Variants in YIPF4 observed in about 807,000 individuals in gnomAD.
YIPF4 encodes the protein protein YIPF4.
YIPF4 carries 18 observed loss-of-function variants against 29.4 expected under a neutral mutation model. That is an observed-to-expected ratio of 0.61 (90% CI 0.42 to 0.91). The LOEUF (loss-of-function observed/expected upper bound fraction) is 0.91, where lower values mean the gene tolerates loss of function less well. Ranked by LOEUF, YIPF4 falls within the 40% of genes least tolerant of loss-of-function variation. The pLI is 0.00. For synonymous variants in YIPF4, 115 were observed against 104.7 expected, an observed-to-expected ratio of 1.10 and a Z score of -0.60; for missense variants, 279 against 282.7, an observed-to-expected ratio of 0.99 and a Z score of 0.09.
Position 32,314,766 on chromosome 2 carries a change from A to G in YIPF4, c.*9140A>G, listed in dbSNP as rs1017035290. On this transcript the variant is annotated 3_prime_UTR_variant, in exon 6 of 6. Coordinates refer to ENST00000238831, the MANE Select transcript of YIPF4 (RefSeq NM_032312.4). ...AATAAACAGAATAGTTTTGGCATTC[A>G]ACAAACATTGGCTGTTATTATATTA... The G allele has an allele frequency of 3.3e-5, 5 of 152,228 alleles. No individual in the cohort carries two copies. The highest frequency in any genetic ancestry group is 1.2e-4 in the African/African-American group (5 of 41,464). The allele number at this position is 152,228 out of a possible 1,614,324, so 9.4% of individuals were successfully genotyped here. A position where few individuals can be genotyped will look rare whatever the true frequency, so the allele number is the denominator to read the frequency against.
chr2:32,299,535 A>C (rs2031317239), intron 4 of YIPF4, among the ~76,000 whole-genome samples: 1 of 152,206 alleles, frequency 6.6e-6, no homozygotes. Context: ...ACCAGAACTC[A>C]AGGGGGCTGG....
At chr2:32,290,437 C>T (rs1273584829) in intron 1 of YIPF4, 46 bp from the exon 2 acceptor site, 1 of 1,344,078 alleles carries the variant, frequency 7.4e-7, no homozygotes, top group Non-Finnish European at 9.7e-7. Context: ...TTAAGATTCA[C>T]ATGTTGTGCC....
intron 1 of YIPF4, among the ~76,000 whole-genome samples, chr2:32,289,383 C>G (rs890252396): frequency 3.3e-5 from 5 of 152,144 alleles, no homozygotes; most frequent in Non-Finnish European, 7.3e-5. Flanking sequence ...GCAAATTAAG[C>G]TCTTTGTACT....
rs1179690626 is a variant in YIPF4, at chr2:32,306,304, TG to T, written c.*681del. 2.0e-6 allele frequency: 2 copies of T among 985,554 alleles called. No individual in the cohort carries two copies. The highest frequency in any genetic ancestry group is 3.5e-5 in the African/African-American group (2 of 57,348). The allele number at this position is 985,554 out of a possible 1,614,324, so 61.1% of individuals were successfully genotyped here. A position where few individuals can be genotyped will look rare whatever the true frequency, so the allele number is the denominator to read the frequency against. On this transcript the variant is annotated 3_prime_UTR_variant, in exon 6 of 6. Transcript: ENST00000238831. ...GTTGCTGATATATATTTGGTTTGTT[TG>T]GGTATACTTTTCAAAACCATTTTTG...
chr2:32,313,463 G>T lies in YIPF4; in HGVS notation c.*7837G>T, dbSNP rs2031760184. ...GCTCACTGCAACCTCTGCCTCCCAG[G>T]TTCAAGTGATTCTCCTGCCTCAGCC... On this transcript the variant is annotated 3_prime_UTR_variant, in exon 6 of 6. Coordinates refer to ENST00000238831, the MANE Select transcript of YIPF4 (RefSeq NM_032312.4). The T allele has an allele frequency of 1.3e-5, 2 of 151,982 alleles. No homozygotes were observed. 9.4% of individuals were successfully genotyped at this position (151,982 alleles called of 1,614,324 possible).
chr2:32,290,653 A>G lies in YIPF4; in HGVS notation c.233+17A>G. The G allele has an allele frequency of 7.1e-7, 1 of 1,405,414 alleles. No individual in the cohort carries two copies. The highest frequency in any genetic ancestry group is 1.9e-5 in the South Asian group (1 of 53,388). The allele number at this position is 1,405,414 out of a possible 1,614,324, so 87.1% of individuals were successfully genotyped here. ...GCCACTCTTGTATGTAAAAATAATA[A>G]TATATATTTTTTGTTTTTTGAGCTA... On this transcript the variant is annotated intron_variant, in intron 2 of 5. Coordinates refer to ENST00000238831, the MANE Select transcript of YIPF4 (RefSeq NM_032312.4).
intron 4 of YIPF4, among the ~76,000 whole-genome samples, chr2:32,300,301 G>T (rs908487791): frequency 6.6e-6 from 1 of 151,830 alleles, no homozygotes; most frequent in East Asian, 1.9e-4. Context: ...GGGCATGGAG[G>T]CACGCGCCTG....
chr2:32,290,535 T>C lies in YIPF4; in HGVS notation c.132T>C (p.Asp44=), dbSNP rs937442646. The C allele has an allele frequency of 6.3e-7, 1 of 1,579,996 alleles. No individual in the cohort carries two copies. Among genetic ancestry groups the C allele is most frequent in the African/African-American group, 1.4e-5 (1 of 73,160 alleles). ...SPDVKLNLGG[D]FIKESTATTF... is the part of the protein sequence containing the mutation. ...ATGTCAAATTAAATCTTGGTGGAGA[T>C]TTTATCAAAGAATCTACAGCTACTA... Residue 44 remains aspartate (D), a synonymous_variant, in exon 2 of 6, where the codon GAT becomes GAC. Transcript: ENST00000238831.
intron 1 of YIPF4, among the ~76,000 whole-genome samples, chr2:32,279,865 A>G (rs1369158176): frequency 6.7e-6 from 1 of 148,592 alleles, no homozygotes; most frequent in Non-Finnish European, 1.5e-5. Context: ...CAAAGGGAAC[A>G]TAGCTGAGAC....
In YIPF4 at chr2:32,292,298, C is replaced by G; in HGVS notation, c.355C>G (p.Leu119Val). 6.2e-7 allele frequency: 1 copy of G among 1,604,134 alleles called. No individual in the cohort carries two copies. The highest frequency in any genetic ancestry group is 8.5e-7 in the Non-Finnish European group (1 of 1,174,868). The part of the protein sequence containing the change: ...VRDNPDFWGP[L>V]AVVLFFSMIS... ...AGACAATCCTGACTTTTGGGGTCCT[C>G]TGGCTGTTGTTCTTTTCTTTTCCAT... Residue 119 changes from leucine to valine, a missense_variant, in exon 3 of 6, where the codon CTG (leucine) becomes GTG (valine). By Grantham distance (32) the Leu-to-Val change is conservative. Coordinates refer to ENST00000238831, the MANE Select transcript of YIPF4 (RefSeq NM_032312.4).
chr2:32,304,250 T>C (rs576728270), intron 5 of YIPF4, among the ~76,000 whole-genome samples: 18 of 152,310 alleles, frequency 1.2e-4, no homozygotes, highest in African/African-American at 4.3e-4. Context: ...GTATATAGTT[T>C]AAGTGCAGTG....
At chr2:32,290,694 A>G (rs975467803) in intron 2 of YIPF4, 58 bp downstream of exon 2, 5 of 1,175,790 alleles carry the variant, frequency 4.3e-6, no homozygotes, top group Non-Finnish European at 5.5e-6. Context: ...TGGGATGATT[A>G]TATTCTTCTT....
intron 3 of YIPF4, among the ~76,000 whole-genome samples, chr2:32,293,574 T>G (rs951247766): frequency 1.3e-5 from 2 of 152,244 alleles, no homozygotes; most frequent in African/African-American, 2.4e-5. Flanking sequence ...ACCGCCATTG[T>G]CATCGTGGCC....
chr2:32,280,118 C>G (rs2030325857), intron 1 of YIPF4, among the ~76,000 whole-genome samples: 1 of 143,428 alleles, frequency 7.0e-6, no homozygotes, highest in Admixed American at 7.0e-5. Context: ...CCGTGCCCAG[C>G]TAATATATAT....
At position 32,308,160 on chromosome 2, in the gene YIPF4, A is replaced by C. The variant is rs1294752140; in HGVS notation, c.*2534A>C. On this transcript the variant is annotated 3_prime_UTR_variant, in exon 6 of 6. Coordinates refer to ENST00000238831, the MANE Select transcript of YIPF4 (RefSeq NM_032312.4). Reference sequence around the variant, plus strand: ...AGAGTCACTCTGTCACCCAAGCTGGAGTGCAATGGCACGATCTCGGCTCAC... The same window carrying C: ...AGAGTCACTCTGTCACCCAAGCTGGCGTGCAATGGCACGATCTCGGCTCAC... 2.0e-5 allele frequency: 3 copies of C among 151,756 alleles called. No individual in the cohort carries two copies. Among genetic ancestry groups the C allele is most frequent in the Non-Finnish European group, 4.4e-5 (3 of 67,986 alleles). The allele number at this position is 151,756 out of a possible 1,614,324, so 9.4% of individuals were successfully genotyped here.
intron 1 of YIPF4, among the ~76,000 whole-genome samples, chr2:32,279,907 T>G (rs912626158): frequency 6.7e-6 from 1 of 150,104 alleles, no homozygotes; most frequent in South Asian, 2.1e-4. Flanking sequence ...GTTCTTTTTT[T>G]TTTTTTTTGA....
chr2:32,294,129 C>CA (rs1433484846), intron 3 of YIPF4, among the ~76,000 whole-genome samples: 1 of 151,168 alleles, frequency 6.6e-6, no homozygotes, highest in East Asian at 2.0e-4. Context: ...CTGACCCCCC[C>CA]ACTTCCCTCC....
chr2:32,302,795 T>C (rs1022179565), intron 5 of YIPF4, among the ~76,000 whole-genome samples: 48 of 152,180 alleles, frequency 3.2e-4, no homozygotes, highest in African/African-American at 1.1e-3. Flanking sequence ...AAAGTATTTG[T>C]TTTTAAGTAG....
At chr2:32,284,299 A>G (rs2030560796) in intron 1 of YIPF4, among the ~76,000 whole-genome samples, 1 of 152,172 alleles carries the variant, frequency 6.6e-6, no homozygotes, top group South Asian at 2.1e-4. Flanking sequence ...AGGAACTTAC[A>G]TAGTCTAGTC....
Sources: gnomAD v4.1 joint callset for allele counts (sites outside exome capture counted in the v4.1 genomes callset) on GRCh38, gnomAD v4.1.1 for gene constraint, MANE v1.5 for transcripts, NCBI Gene and HGNC (gene_info 2026-07-23, HGNC 2026-07-21) for gene names.